Variants in TSEN15 observed in about 807,000 individuals in gnomAD.
TSEN15 encodes tRNA splicing endonuclease subunit 15, also known as tRNA-splicing endonuclease subunit Sen15.
A neutral mutation model predicts 20.5 loss-of-function variants in TSEN15; 10 were observed. The observed-to-expected ratio is 0.49, with a 90% CI of 0.30 to 0.83. The LOEUF is 0.83. Ranked by LOEUF, TSEN15 falls within the 40% of genes least tolerant of loss-of-function variation. The probability of loss-of-function intolerance (pLI) is 0.06; values close to 1 mark genes in which losing one functional copy is unlikely to be tolerated. For missense variants in TSEN15, 180 were observed against 218.6 expected (o/e 0.82, Z 1.11); for synonymous variants, 72 against 80.1 (o/e 0.90, Z 0.54).
chr1:184,085,834 C>T (rs897667946), intron 3 of TSEN15, among the ~76,000 whole-genome samples: 2 of 152,126 alleles, frequency 1.3e-5, no homozygotes, highest in African/African-American at 2.4e-5. Context: ...TAGTCAAGTT[C>T]AGTACTAGTC....
rs1461820768 is a variant in TSEN15 at position 184,074,070 on chromosome 1, A to C, written c.*1223A>C. ...TGGGTGTAATCATGGCTGAAATAAC[A>C]GACCAAGCATATGATAAAAAGATAA... On this transcript the variant is annotated 3_prime_UTR_variant, in exon 5 of 5. Transcript: ENST00000645668. 1 of 152,210 alleles carries C rather than the reference A, an allele frequency of 6.6e-6. No homozygotes were observed. The highest frequency in any genetic ancestry group is 1.5e-5 in the Non-Finnish European group (1 of 68,026). The allele number at this position is 152,210 out of a possible 1,614,324, so 9.4% of individuals were successfully genotyped here. A position where few individuals can be genotyped will look rare whatever the true frequency, so the allele number is the denominator to read the frequency against.
chr1:184,055,292 C>T (rs1190441323), intron 3 of TSEN15, among the ~76,000 whole-genome samples: 1 of 152,146 alleles, frequency 6.6e-6, no homozygotes, highest in East Asian at 1.9e-4. Flanking sequence ...CACGAGAACT[C>T]ATTGTCCTGA....
chr1:184,088,901 C>T (rs1651311067), intron 3 of TSEN15, among the ~76,000 whole-genome samples: 1 of 152,100 alleles, frequency 6.6e-6, no homozygotes, highest in Non-Finnish European at 1.5e-5. Flanking sequence ...TGCCCACTGC[C>T]TCTTCCTTAA....
At chr1:184,077,898 CT>C (rs1384734505), downstream of TSEN15, among the ~76,000 whole-genome samples, 3 of 152,148 alleles carry the variant, frequency 2.0e-5, no homozygotes, top group Non-Finnish European at 4.4e-5. Context: ...ATGGAATCTA[CT>C]TCTTGTGCAG....
intron 3 of TSEN15, chr1:184,070,608 T>A (rs1241502902): frequency 2.5e-6 from 3 of 1,196,644 alleles, no homozygotes; most frequent in Non-Finnish European, 2.2e-6. Flanking sequence ...CTATTATTAT[T>A]AATTTAGATA....
At chr1:184,087,607 A>C (rs1386119862) in intron 3 of TSEN15, among the ~76,000 whole-genome samples, 5 of 152,210 alleles carry the variant, frequency 3.3e-5, no homozygotes, top group Non-Finnish European at 5.9e-5. Context: ...ATAAGCACAT[A>C]ATCAGGAGAC....
intron 3 of TSEN15, among the ~76,000 whole-genome samples, chr1:184,087,535 T>C (rs1651283909): frequency 6.6e-6 from 1 of 152,182 alleles, no homozygotes; most frequent in African/African-American, 2.4e-5. Context: ...ACTCCTGGTT[T>C]AGAAGTCACT....
At chr1:184,052,462 A>C (rs1276921935) in intron 1 of TSEN15, among the ~76,000 whole-genome samples, 1 of 152,138 alleles carries the variant, frequency 6.6e-6, no homozygotes. Flanking sequence ...GGCGAGATCA[A>C]GATAGTCCTC....
chr1:184,052,042 A>C, intron 1 of TSEN15, 152 bp downstream of exon 1: 6 of 858,696 alleles, frequency 7.0e-6, no homozygotes, highest in African/African-American at 1.8e-5. Context: ...TGCCAGCCTC[A>C]GGCAGCATCG....
intron 3 of TSEN15, among the ~76,000 whole-genome samples, chr1:184,082,089 C>A (rs945962147): frequency 2.6e-4 from 39 of 152,242 alleles, no homozygotes; most frequent in Middle Eastern, 6.8e-3. Context: ...GGCAACTCTT[C>A]TGGGATGGAT....
At chr1:184,081,349 A>G (rs1244785798) in intron 3 of TSEN15, among the ~76,000 whole-genome samples, 1 of 152,162 alleles carries the variant, frequency 6.6e-6, no homozygotes, top group Non-Finnish European at 1.5e-5. Flanking sequence ...TGGAAATCAG[A>G]GTGACAGGGC....
At position 184,083,294 on chromosome 1, in the gene TSEN15, G is replaced by A. The variant is rs759430713; in HGVS notation, c.354-12396G>A. On this transcript the variant is annotated intron_variant, in intron 3 of 3. Transcript: ENST00000643231. ...TGTGAGACAAATCACCATCCCATGC[G>A]ATTTTCTTTTGTAAGCATGCTTATG... Among the ~76,000 whole-genome samples, 8 of 152,194 alleles carry A rather than the reference G, an allele frequency of 5.3e-5. No individual in the cohort carries two copies. The South Asian group carries it at 1.0e-3, about 20-fold the overall frequency.
intron 3 of TSEN15, among the ~76,000 whole-genome samples, chr1:184,062,200 T>C (rs1463380580): frequency 6.6e-6 from 1 of 152,148 alleles, no homozygotes; most frequent in Non-Finnish European, 1.5e-5. Flanking sequence ...AAAGCTAATG[T>C]AAAATAATTT....
intron 3 of TSEN15, among the ~76,000 whole-genome samples, chr1:184,056,183 C>T (rs1650244995): frequency 6.6e-6 from 1 of 152,042 alleles, no homozygotes; most frequent in Non-Finnish European, 1.5e-5. Flanking sequence ...AAGTGGTTGC[C>T]TCAATTTACT....
At chr1:184,052,448 A>G (rs1247702444) in intron 1 of TSEN15, among the ~76,000 whole-genome samples, 1 of 152,176 alleles carries the variant, frequency 6.6e-6, no homozygotes, top group African/African-American at 2.4e-5. Context: ...CTAGATTAGC[A>G]GCAGGCGAGA....
At chr1:184,065,895 A>C (rs1650636917) in intron 3 of TSEN15, among the ~76,000 whole-genome samples, 1 of 152,172 alleles carries the variant, frequency 6.6e-6, no homozygotes, top group Non-Finnish European at 1.5e-5. Context: ...TTTTGAATGC[A>C]AGTCCTTTAT....
chr1:184,051,867 G>T lies in TSEN15; in HGVS notation c.112G>T (p.Ala38Ser). Reference protein sequence around the residue: ...GGAPSWAPEDAWMGTHPKYLE... With the variant: ...GGAPSWAPEDSWMGTHPKYLE... ...AGCTCCTTCGTGGGCCCCTGAGGAC[G>T]CCTGGATGGGCACTCACCCTAAGGT... is the stretch of plus-strand genomic sequence containing the variant. Residue 38 changes from alanine to serine, a missense_variant, in exon 1 of 5, where the codon GCC becomes TCC. Transcript: ENST00000645668. 2 of 1,553,198 alleles carry T rather than the reference G, an allele frequency of 1.3e-6. No individual in the cohort carries two copies. The highest frequency in any genetic ancestry group is 1.7e-6 in the Non-Finnish European group (2 of 1,149,532).
downstream of TSEN15, among the ~76,000 whole-genome samples, chr1:184,074,842 A>G (rs1359365894): frequency 6.6e-6 from 1 of 152,020 alleles, no homozygotes; most frequent in Non-Finnish European, 1.5e-5. Flanking sequence ...GGAGGTCTCC[A>G]TAACTCCTTC....
chr1:184,054,551 T>C, intron 2 of TSEN15, 116 bp downstream of exon 2: 2 of 1,191,704 alleles, frequency 1.7e-6, no homozygotes, highest in South Asian at 1.5e-5. Flanking sequence ...TTGCTGTTAA[T>C]TTTGCAATTT....
Sources: gnomAD v4.1 joint callset for allele counts (sites outside exome capture counted in the v4.1 genomes callset) on GRCh38, gnomAD v4.1.1 for gene constraint, MANE v1.5 for transcripts, NCBI Gene and HGNC (gene_info 2026-07-23, HGNC 2026-07-21) for gene names.